The following NECAB2 variants were observed in gnomAD, a reference collection of about 807,000 sequenced individuals.
NECAB2 encodes the protein N-terminal EF-hand calcium-binding protein 2.
NECAB2 carries 68 observed loss-of-function variants against 51.9 expected under a neutral mutation model. That is an observed-to-expected ratio of 1.31 (90% CI 1.08 to 1.60). The LOEUF (loss-of-function observed/expected upper bound fraction) is 1.60. NECAB2 is among the 40% of genes most tolerant of loss of function. NECAB2 has a pLI of 0.00. For synonymous variants in NECAB2, 329 were observed against 203.5 expected, an observed-to-expected ratio of 1.62 and a Z score of -5.25; for missense variants, 854 against 490.3, an observed-to-expected ratio of 1.74 and a Z score of -7.00.
chr16:84,001,676 C>T, intron 11 of NECAB2, 149 bp from the exon 12 acceptor site: 1 of 637,972 alleles, frequency 1.6e-6, no homozygotes, highest in Non-Finnish European at 2.4e-6. Context: ...TGGGCACCCC[C>T]TCACCTTCCC....
At position 83,998,276 on chromosome 16, in the gene NECAB2, C is replaced by G. The variant is rs35649588; in HGVS notation, c.921C>G (p.Arg307=). The G allele has an allele frequency of 3.5e-5, 57 of 1,613,402 alleles. No individual in the cohort carries two copies. Among genetic ancestry groups the G allele is most frequent in the Non-Finnish European group, 4.4e-5 (52 of 1,180,024 alleles). Residue 307 remains arginine, a synonymous_variant, in exon 10 of 13, where the codon CGC becomes CGG. Coordinates refer to ENST00000305202, the MANE Select transcript of NECAB2 (RefSeq NM_019065.3). ...TGAGCGAGTTTCTGGACTCTCTGCG[C>G]CAGTATCTGCGGGGGACCACTGGCG... The part of the protein sequence containing the change: ...EQLSEFLDSL[R]QYLRGTTGVR...
intron 5 of NECAB2, among the ~76,000 whole-genome samples, chr16:83,986,787 T>G (rs939382781): frequency 4.0e-5 from 6 of 151,858 alleles, no homozygotes; most frequent in African/African-American, 1.5e-4. Context: ...CTTGTCCAAG[T>G]GCTGGGATTA....
upstream of NECAB2, chr16:83,965,781 C>A (rs867603122): frequency 6.2e-7 from 1 of 1,613,034 alleles, no homozygotes; most frequent in Admixed American, 1.7e-5. Flanking sequence ...CCCGACCTCT[C>A]CTTCCTGCCT....
chr16:83,998,499 T>G (rs2084754204), intron 10 of NECAB2, among the ~76,000 whole-genome samples, 182 bp downstream of exon 10: 2 of 152,098 alleles, frequency 1.3e-5, no homozygotes, highest in South Asian at 4.1e-4. Context: ...CAAGCAAATG[T>G]GGCAGGTGTC....
chr16:83,994,226 C>A, intron 6 of NECAB2, 76 bp from the exon 7 acceptor site: 1 of 1,311,530 alleles, frequency 7.6e-7, no homozygotes, highest in Non-Finnish European at 1.1e-6. Context: ...TAATAAATGC[C>A]TGTGGAAGAT....
rs74559877 is a variant in NECAB2 at position 84,000,706 on chromosome 16, G to T, written c.963-18G>T. The T allele has an allele frequency of 5.5e-3, 8,806 of 1,613,142 alleles. 43 individuals are homozygous for T. The highest frequency in any genetic ancestry group is 9.6e-3 in the Middle Eastern group (58 of 6,056). On this transcript the variant is annotated intron_variant, in intron 10 of 12. Coordinates refer to ENST00000305202, the MANE Select transcript of NECAB2 (RefSeq NM_019065.3). ...GGTTGAGCTCCAGCCTCCTCCCCCC[G>T]ACCATCTCCTGTTGCAGCATCACTG... is the stretch of plus-strand genomic sequence containing the variant.
Position 83,998,222 on chromosome 16 carries a change from G to A in NECAB2, c.867G>A (p.Arg289=), listed in dbSNP as rs749288418. The A allele has an allele frequency of 1.9e-6, 3 of 1,610,636 alleles. No individual in the cohort carries two copies. Among genetic ancestry groups the A allele is most frequent in the South Asian group, 1.1e-5 (1 of 91,056 alleles). The change falls in exon 10 of 13, where the codon CGG becomes CGA. Residue 289 remains arginine (R), a synonymous_variant. Coordinates refer to ENST00000305202, the MANE Select transcript of NECAB2 (RefSeq NM_019065.3). ...CCCGGCAGCACCTGCAGCTGGTCCG[G>A]CAGGAGATGGCCGTGTGCCCCGAGC... ...DGTNMHLQLV[R]QEMAVCPEQL...
intron 10 of NECAB2, among the ~76,000 whole-genome samples, chr16:84,000,143 C>G (rs894771003): frequency 6.6e-6 from 1 of 152,092 alleles, no homozygotes; most frequent in African/African-American, 2.4e-5. Flanking sequence ...CCACCTGCCT[C>G]GACCCCTCAA....
At chr16:83,978,880 G>T (rs746437995) in intron 3 of NECAB2, among the ~76,000 whole-genome samples, 3 of 152,030 alleles carry the variant, frequency 2.0e-5, no homozygotes, top group Admixed American at 6.6e-5. Context: ...CCAGCAGCCA[G>T]TTCTCACCCC....
At chr16:83,972,843 G>A (rs936172935) in intron 2 of NECAB2, among the ~76,000 whole-genome samples, 2 of 152,234 alleles carry the variant, frequency 1.3e-5, no homozygotes, top group Non-Finnish European at 2.9e-5. Flanking sequence ...CCCAGGCCTT[G>A]AGAGAATAAG....
intron 10 of NECAB2, among the ~76,000 whole-genome samples, chr16:83,999,863 GAT>G (rs2084786855): frequency 6.9e-6 from 1 of 144,804 alleles, no homozygotes; most frequent in African/African-American, 2.6e-5. Flanking sequence ...AAGATGCTTT[GAT>G]TTTTAAAGGT....
intron 8 of NECAB2, among the ~76,000 whole-genome samples, chr16:83,995,929 G>A (rs145083015): frequency 0.012 from 1,783 of 152,328 alleles, 11 homozygotes; most frequent in Non-Finnish European, 0.015. Context: ...AGACTCTGAA[G>A]CTTATTTTTA....
At chr16:83,987,477 A>G (rs373351329) in intron 5 of NECAB2, among the ~76,000 whole-genome samples, 2 of 152,218 alleles carry the variant, frequency 1.3e-5, no homozygotes, top group African/African-American at 4.8e-5. Context: ...GGAGTAAAGT[A>G]TAAAGAAAAT....
At chr16:83,984,509 G>A (rs901330310) in intron 5 of NECAB2, among the ~76,000 whole-genome samples, 2 of 151,920 alleles carry the variant, frequency 1.3e-5, no homozygotes, top group East Asian at 1.9e-4. Flanking sequence ...GATCGCTTGA[G>A]CCCAGAAGTT....
At chr16:83,983,646 T>G (rs574590988) in intron 5 of NECAB2, among the ~76,000 whole-genome samples, 1 of 152,248 alleles carries the variant, frequency 6.6e-6, no homozygotes. Context: ...TTGTCTCAAA[T>G]TGAACAATCC....
upstream of NECAB2, chr16:83,965,987 G>A (rs13299): frequency 7.6e-6 from 12 of 1,587,750 alleles, no homozygotes; most frequent in Non-Finnish European, 1.0e-5. Flanking sequence ...GCTAAGGAAG[G>A]AGACCAGGAA....
intron 5 of NECAB2, among the ~76,000 whole-genome samples, chr16:83,985,635 G>GAA (rs879357467): frequency 5.6e-5 from 7 of 125,794 alleles, no homozygotes; most frequent in African/African-American, 8.7e-5. Context: ...CTCCATCTCA[G>GAA]AAAAAAAAAA....
Position 83,968,574 on chromosome 16 carries a change from G to T in NECAB2, c.-75G>T, listed in dbSNP as rs1235825931. 1.0e-6 allele frequency: 1 copy of T among 960,500 alleles called. No homozygotes were observed. The highest frequency in any genetic ancestry group is 1.8e-5 in the African/African-American group (1 of 56,054). 59.5% of individuals were successfully genotyped at this position (960,500 alleles called of 1,614,324 possible). On this transcript the variant is annotated 5_prime_UTR_variant, in exon 1 of 13. The change creates a new upstream start codon in the 5' untranslated region. Transcript: ENST00000305202. ...CGGGGCGGCGCGGGCAGCGCGGGGAGGGGGTCGCGCGGGGGCGGGCCGCAG... is the reference window on the plus strand; with the variant it reads ...CGGGGCGGCGCGGGCAGCGCGGGGATGGGGTCGCGCGGGGGCGGGCCGCAG...
intron 8 of NECAB2, among the ~76,000 whole-genome samples, chr16:83,995,425 T>C (rs2084683916): frequency 6.6e-6 from 1 of 152,068 alleles, no homozygotes; most frequent in African/African-American, 2.4e-5. Context: ...CCCTCCCTCA[T>C]AGGGGTGTCG....
Sources: allele counts gnomAD v4.1 joint callset (sites outside exome capture counted in the v4.1 genomes callset), GRCh38; gene constraint gnomAD v4.1.1; transcripts MANE v1.5; gene names NCBI Gene and HGNC (gene_info 2026-07-23, HGNC 2026-07-21).